The following DOCK9 variants were observed in gnomAD, a reference collection of about 807,000 sequenced individuals.
DOCK9 encodes the protein dedicator of cytokinesis 9, also known as dedicator of cytokinesis protein 9.
A neutral mutation model predicts 263.3 loss-of-function variants in DOCK9; 89 were observed. The ratio of observed to expected loss-of-function variants is 0.34; its 90% CI spans 0.28 to 0.40. The LOEUF is 0.40. Ranked by LOEUF, DOCK9 falls within the 10% of genes least tolerant of loss-of-function variation. The pLI is 1.00. For synonymous variants in DOCK9, 976 were observed against 973.1 expected (o/e 1.00, Z -0.06); for missense variants, 2,140 against 2,603.4 (o/e 0.82, Z 3.87).
chr13:98,990,899 C>G (rs1361261748), intron 1 of DOCK9, among the ~76,000 whole-genome samples: 2 of 152,190 alleles, frequency 1.3e-5, no homozygotes, highest in South Asian at 4.1e-4. Flanking sequence ...CCTGTATTTA[C>G]TCATTAATCC....
chr13:98,892,969 G>A (rs531075873), intron 15 of DOCK9, among the ~76,000 whole-genome samples: 1 of 152,328 alleles, frequency 6.6e-6, no homozygotes, highest in African/African-American at 2.4e-5. Flanking sequence ...ACAGAAGTGA[G>A]CCACAGACTG....
At chr13:98,976,932 G>T (rs544298037) in intron 1 of DOCK9, among the ~76,000 whole-genome samples, 1 of 93,244 alleles carries the variant, frequency 1.1e-5, no homozygotes, top group East Asian at 7.0e-4. Context: ...GAACCTCCAC[G>T]TTAAAGAAAA....
At chr13:98,975,472 T>TAC (rs146581245) in intron 1 of DOCK9, among the ~76,000 whole-genome samples, 14,412 of 142,356 alleles carry the variant, frequency 0.1, 742 homozygotes, top group Middle Eastern at 0.15. Context: ...TCTAAACACA[T>TAC]ACACACACAC....
At chr13:98,941,820 G>C (rs540451661) in intron 2 of DOCK9, among the ~76,000 whole-genome samples, 1 of 152,312 alleles carries the variant, frequency 6.6e-6, no homozygotes, top group East Asian at 1.9e-4. Flanking sequence ...CGAGAATAGA[G>C]GCTGTAATAA....
chr13:98,852,495 A>G (rs2093601331), intron 35 of DOCK9, among the ~76,000 whole-genome samples: 1 of 152,144 alleles, frequency 6.6e-6, no homozygotes, highest in South Asian at 2.1e-4. Context: ...TCTAAAAGAA[A>G]TACTATTTTC....
chr13:99,063,466 C>T (rs1457113417), intron 1 of DOCK9, among the ~76,000 whole-genome samples: 1 of 152,188 alleles, frequency 6.6e-6, no homozygotes, highest in Non-Finnish European at 1.5e-5. Flanking sequence ...CACAAGTCAC[C>T]GGACACCATG....
At chr13:99,028,000 A>T (rs939375627) in intron 1 of DOCK9, among the ~76,000 whole-genome samples, 3 of 152,336 alleles carry the variant, frequency 2.0e-5, no homozygotes, top group Admixed American at 6.5e-5. Flanking sequence ...GCTTTGACTC[A>T]CCTGTCTCCC....
chr13:99,014,857 G>C (rs1367432075), intron 1 of DOCK9, among the ~76,000 whole-genome samples: 1 of 152,166 alleles, frequency 6.6e-6, no homozygotes, highest in Non-Finnish European at 1.5e-5. Context: ...ACAGAACACG[G>C]AAGTGTCATG....
intron 45 of DOCK9, among the ~76,000 whole-genome samples, chr13:98,816,638 T>G (rs1208269356): frequency 6.6e-6 from 1 of 150,654 alleles, no homozygotes; most frequent in Non-Finnish European, 1.5e-5. Context: ...GCAGCATCTG[T>G]CCGGCCACAA....
At chr13:99,084,961 C>T (rs1288299756) in intron 1 of DOCK9, among the ~76,000 whole-genome samples, 1 of 152,172 alleles carries the variant, frequency 6.6e-6, no homozygotes, top group African/African-American at 2.4e-5. Context: ...ATCGACTTCC[C>T]TAAAATAGAA....
chr13:98,985,258 AG>A (rs1255582347), intron 1 of DOCK9, among the ~76,000 whole-genome samples: 4 of 152,156 alleles, frequency 2.6e-5, no homozygotes, highest in Non-Finnish European at 5.9e-5. Context: ...CAGCCATGGA[AG>A]GTTTAAGAAG....
intron 45 of DOCK9, among the ~76,000 whole-genome samples, chr13:98,811,477 C>G (rs2091290282): frequency 6.6e-6 from 1 of 151,796 alleles, no homozygotes; most frequent in South Asian, 2.1e-4. Context: ...GGGTCTTGCT[C>G]TGTTGCCTAG....
At chr13:98,997,131 C>T (rs1417055633) in intron 1 of DOCK9, among the ~76,000 whole-genome samples, 1 of 152,200 alleles carries the variant, frequency 6.6e-6, no homozygotes, top group Admixed American at 6.5e-5. Flanking sequence ...TCAATGTGTG[C>T]AGCAGACACT....
At chr13:99,035,474 G>A (rs1887775480) in intron 1 of DOCK9, among the ~76,000 whole-genome samples, 7 of 152,166 alleles carry the variant, frequency 4.6e-5, no homozygotes, top group Admixed American at 4.6e-4. Context: ...TAAAGCTAAT[G>A]GGACGTGTTA....
chr13:99,004,121 A>T (rs1882878036), intron 1 of DOCK9, among the ~76,000 whole-genome samples: 1 of 152,062 alleles, frequency 6.6e-6, no homozygotes, highest in Non-Finnish European at 1.5e-5. Context: ...CACCTGGTTA[A>T]ATCCTTCTAC....
At chr13:99,041,010 T>A (rs559129614) in intron 1 of DOCK9, among the ~76,000 whole-genome samples, 2 of 152,268 alleles carry the variant, frequency 1.3e-5, no homozygotes, top group African/African-American at 4.8e-5. Context: ...CAGAGGTGTC[T>A]AAGAGTCATC....
At chr13:98,960,280 T>C (rs984632106) in intron 1 of DOCK9, among the ~76,000 whole-genome samples, 1 of 152,220 alleles carries the variant, frequency 6.6e-6, no homozygotes, top group African/African-American at 2.4e-5. Flanking sequence ...ACCATCATGT[T>C]TGAAACCCTG....
chr13:98,994,986 C>T (rs971366597), intron 1 of DOCK9, among the ~76,000 whole-genome samples: 3 of 152,074 alleles, frequency 2.0e-5, no homozygotes, highest in Non-Finnish European at 4.4e-5. Context: ...ATGGTTATTA[C>T]CCTTTGACAA....
Position 98,797,380 on chromosome 13 carries a change from G to A in DOCK9, c.6017+9C>T. ...TCGAAGAGAAAAAGATGCTTTCAGT[G>A]TGCTTTACCTGAAAACTTCCTTAAG... On this transcript the variant is annotated intron_variant, in intron 51 of 52. Transcript: ENST00000682017. 6.2e-7 allele frequency: 1 copy of A among 1,611,664 alleles called. No individual in the cohort carries two copies. The highest frequency in any genetic ancestry group is 1.1e-5 in the South Asian group (1 of 90,790).
Sources: gnomAD v4.1 joint callset for allele counts (sites outside exome capture counted in the v4.1 genomes callset) on GRCh38, gnomAD v4.1.1 for gene constraint, MANE v1.5 for transcripts, NCBI Gene and HGNC (gene_info 2026-07-23, HGNC 2026-07-21) for gene names.